The following HHIPL1 variants were observed in gnomAD, a reference collection of about 807,000 sequenced individuals.
HHIPL1 encodes HHIP like 1, also known as HHIP-like protein 1.
A neutral mutation model predicts 61.8 loss-of-function variants in HHIPL1; 43 were observed. That is an observed-to-expected ratio of 0.70 (90% CI 0.55 to 0.90). The LOEUF (loss-of-function observed/expected upper bound fraction) is 0.90. HHIPL1 is among the 40% of genes least tolerant of loss of function. HHIPL1 has a pLI of 0.00. For missense variants in HHIPL1, 1,056 were observed against 1,157.7 expected (o/e 0.91, Z 1.28); for synonymous variants, 482 against 515.8 (o/e 0.93, Z 0.89).
chr14:99,667,755 A>G (rs11626111), intron 6 of HHIPL1, among the ~76,000 whole-genome samples: 62,468 of 152,030 alleles, frequency 0.41, 13,119 homozygotes, highest in Admixed American at 0.5. Context: ...CAGTCCTTAT[A>G]ACAGCCCAAT....
rs2056104165 is a variant in HHIPL1, at chr14:99,659,434, G to A, written c.1053G>A (p.Ala351=). The A allele has an allele frequency of 1.4e-6, 2 of 1,451,882 alleles. No homozygotes were observed. The highest frequency in any genetic ancestry group is 2.8e-5 in the East Asian group (1 of 35,266). The allele number at this position is 1,451,882 out of a possible 1,614,324, so 89.9% of individuals were successfully genotyped here. ...TCTCCCACCCCGCCCGCAGGTCGGCGCTGCTGGGCAAGGTGCTGCGCATCG... is the reference window on the plus strand; with the variant it reads ...TCTCCCACCCCGCCCGCAGGTCGGCACTGCTGGGCAAGGTGCTGCGCATCG... The part of the protein sequence containing the change: ...GTFGNAQNKS[A]LLGKVLRIDV... The change falls in exon 4 of 9, where the codon GCG becomes GCA. Residue 351 remains alanine, a synonymous_variant. Transcript: ENST00000330710.
Position 99,659,533 on chromosome 14 carries a change from G to A in HHIPL1, c.1152G>A (p.Ala384=). ...PDNPFVGDPA[A]QPEVYALGVR... The stretch of plus-strand genomic sequence containing the variant: ...ACCCGTTCGTGGGCGACCCCGCGGC[G>A]CAGCCCGAGGTCTACGCCCTGGGCG... Residue 384 remains alanine, a synonymous_variant, in exon 4 of 9, where the codon GCG becomes GCA. Transcript: ENST00000330710. The A allele has an allele frequency of 2.6e-6, 4 of 1,543,192 alleles. No individual in the cohort carries two copies. Among genetic ancestry groups the A allele is most frequent in the Non-Finnish European group, 3.5e-6 (4 of 1,148,572 alleles).
At chr14:99,625,631 C>T in the HHIPL1 span, 52,640 of 152,004 alleles carry the variant, frequency 0.35, 9,840 homozygotes, top group African/African-American at 0.45. Flanking sequence ...CCCCACCCTC[C>T]ATCCAATGCT....
chr14:99,610,518 G>C, the HHIPL1 span, among the ~76,000 whole-genome samples: 1 of 152,260 alleles, frequency 6.6e-6, no homozygotes, highest in Admixed American at 6.5e-5. Context: ...CCAGCACTTT[G>C]GGAGGCCAAG....
At chr14:99,635,194 C>T in the HHIPL1 span, among the ~76,000 whole-genome samples, 26 of 152,220 alleles carry the variant, frequency 1.7e-4, no homozygotes, top group African/African-American at 6.0e-4. Flanking sequence ...GATAGGACAG[C>T]CCCAGGGAAA....
intron 6 of HHIPL1, 57 bp downstream of exon 6, chr14:99,663,078 A>G: frequency 7.3e-6 from 11 of 1,500,648 alleles, no homozygotes; most frequent in Non-Finnish European, 9.9e-6. Context: ...CTGGTCCTCC[A>G]CCCTGTGGTC....
chr14:99,637,000 GAAGAAAGAAAGAAAGA>G, the HHIPL1 span, among the ~76,000 whole-genome samples: 814 of 76,984 alleles, frequency 0.011, 10 homozygotes, highest in Non-Finnish European at 0.012. Context: ...AAGAAAGAAA[GAAGAAAGAAAGAAAGA>G]AAGAAAGAAA....
chr14:99,675,794 C>T lies in HHIPL1; in HGVS notation c.*168C>T. On this transcript the variant is annotated 3_prime_UTR_variant, in exon 9 of 9. Coordinates refer to ENST00000330710, the MANE Select transcript of HHIPL1 (RefSeq NM_001127258.3). The surrounding 1 kb of genome is among the most constrained non-coding windows in gnomAD (Gnocchi z 5.4). ...CGCTGCAGTGCATGTGTGTCCTCTG[C>T]AGACCCAAGGCAGGAGTGTGTGTTG... 1.6e-6 allele frequency: 1 copy of T among 617,294 alleles called. No individual in the cohort carries two copies. Among genetic ancestry groups the T allele is most frequent in the Non-Finnish European group, 2.6e-6 (1 of 385,018 alleles). 38.2% of individuals were successfully genotyped at this position (617,294 alleles called of 1,614,324 possible).
At chr14:99,645,083 G>A, upstream of HHIPL1, 2 of 838,742 alleles carry the variant, frequency 2.4e-6, no homozygotes, top group Non-Finnish European at 3.2e-6. Context: ...TAGAAGGGGA[G>A]GTCCCCAAAC....
At chr14:99,669,264 G>A in intron 7 of HHIPL1, 1 of 1,067,294 alleles carries the variant, frequency 9.4e-7, no homozygotes, top group Non-Finnish European at 1.1e-6. Context: ...ATAAATGAGT[G>A]ATCAGCTTTC....
chr14:99,617,314 G>A, the HHIPL1 span, among the ~76,000 whole-genome samples: 1 of 152,250 alleles, frequency 6.6e-6, no homozygotes, highest in South Asian at 2.1e-4. Context: ...ACTAAGAAAC[G>A]CATAAATCCC....
the HHIPL1 span, among the ~76,000 whole-genome samples, chr14:99,637,079 A>AAG: frequency 0.053 from 2,453 of 46,348 alleles, 181 homozygotes; most frequent in African/African-American, 0.13. Context: ...AGAAAGAGAG[A>AAG]GAAAGAAAGA....
At position 99,668,112 on chromosome 14, in the gene HHIPL1, C is replaced by T; in HGVS notation, c.1649-110C>T. 2 of 742,966 alleles carry T rather than the reference C, an allele frequency of 2.7e-6. No homozygotes were observed. The highest frequency in any genetic ancestry group is 5.0e-6 in the Non-Finnish European group (2 of 398,130). The allele number at this position is 742,966 out of a possible 1,614,324, so 46.0% of individuals were successfully genotyped here. A position where few individuals can be genotyped will look rare whatever the true frequency, so the allele number is the denominator to read the frequency against. ...CTGGGATGCCTCACGTGATGGCTAG[C>T]TGGGGTTGGGGTCTATTTCCAAGCC... On this transcript the variant is annotated intron_variant, in intron 6 of 8. Transcript: ENST00000330710. The surrounding 1 kb of genome is among the most constrained non-coding windows in gnomAD (Gnocchi z 4.7).
intron 3 of HHIPL1, among the ~76,000 whole-genome samples, chr14:99,658,557 C>T (rs556103915): frequency 9.2e-5 from 14 of 152,250 alleles, no homozygotes; most frequent in African/African-American, 3.1e-4. Flanking sequence ...TGAAAAGCAA[C>T]CCAGAGGGAG....
At chr14:99,606,026 C>A in the HHIPL1 span, among the ~76,000 whole-genome samples, 38 of 152,272 alleles carry the variant, frequency 2.5e-4, no homozygotes, top group South Asian at 7.3e-3. Flanking sequence ...TTTTAAGAGG[C>A]TCACCCTGGC....
the HHIPL1 span, among the ~76,000 whole-genome samples, chr14:99,632,537 C>T: frequency 2.6e-5 from 4 of 152,316 alleles, no homozygotes; most frequent in Non-Finnish European, 4.4e-5. Context: ...ACCTTATCAC[C>T]AAGTGGTTCT....
chr14:99,627,935 T>C, the HHIPL1 span, among the ~76,000 whole-genome samples: 1 of 152,044 alleles, frequency 6.6e-6, no homozygotes, highest in East Asian at 1.9e-4. The surrounding 1 kb of genome is among the most constrained non-coding windows in gnomAD (Gnocchi z 4.4). Context: ...AGGGCTGGAA[T>C]GCATGGCCAA....
chr14:99,628,597 GAA>G, the HHIPL1 span, among the ~76,000 whole-genome samples: 1 of 144,740 alleles, frequency 6.9e-6, no homozygotes, highest in Non-Finnish European at 1.5e-5. Context: ...AAAAAAAAAA[GAA>G]AAAAAGAAAA....
chr14:99,656,334 C>A (rs775600539), intron 2 of HHIPL1, among the ~76,000 whole-genome samples: 4 of 152,196 alleles, frequency 2.6e-5, no homozygotes, highest in Non-Finnish European at 5.9e-5. Context: ...CTAATCCCAG[C>A]TCTGCTACCT....
Sources: allele counts gnomAD v4.1 joint callset (sites outside exome capture counted in the v4.1 genomes callset), GRCh38; gene constraint gnomAD v4.1.1; non-coding constraint Gnocchi (gnomAD v3.1); transcripts MANE v1.5; gene names NCBI Gene and HGNC (gene_info 2026-07-23, HGNC 2026-07-21).